The following CRELD2 variants were observed in gnomAD, a reference collection of about 807,000 sequenced individuals.
The protein encoded by CRELD2 is protein disulfide isomerase CRELD2.
A neutral mutation model predicts 48.1 loss-of-function variants in CRELD2; 33 were observed. The ratio of observed to expected loss-of-function variants is 0.69; its 90% CI spans 0.52 to 0.92. CRELD2 has a LOEUF of 0.92. Among genes scored for constraint, CRELD2 ranks in the 40% least tolerant of loss-of-function variants. The pLI is 0.00. For missense variants in CRELD2, 477 were observed against 482.4 expected (o/e 0.99, Z 0.10); for synonymous variants, 220 against 203.9 (o/e 1.08, Z -0.67).
intron 7 of CRELD2, 49 bp downstream of exon 7, chr22:49,923,366 G>T: frequency 7.3e-7 from 1 of 1,363,282 alleles, no homozygotes; most frequent in Admixed American, 1.8e-5. Context: ...GGGTTTCGTT[G>T]CTGCCTTTGT....
chr22:49,919,285 A>T lies in CRELD2; in HGVS notation c.185A>T (p.Glu62Val). Residue 62 changes from glutamate (E) to valine (V), a missense_variant, in exon 2 of 10, where the codon GAA (glutamate) becomes GTA (valine). Coordinates refer to ENST00000328268, the MANE Select transcript of CRELD2 (RefSeq NM_024324.5). The stretch of plus-strand genomic sequence containing the variant: ...GGCGGCGGGAACACGGCTTGGGAGG[A>T]AAAGACGCTGTCCAAGTACGAGTCC... ...NFGGGNTAWE[E>V]KTLSKYESSE... The T allele has an allele frequency of 6.2e-7, 1 of 1,613,494 alleles. No individual in the cohort carries two copies. Among genetic ancestry groups the T allele is most frequent in the Non-Finnish European group, 8.5e-7 (1 of 1,179,906 alleles).
At chr22:49,924,707 C>T in intron 8 of CRELD2, 1 of 309,510 alleles carries the variant, frequency 3.2e-6, no homozygotes, top group East Asian at 6.6e-5. Flanking sequence ...CCGGTGGCCT[C>T]GTTCCCCAGG....
chr22:49,919,089 T>G, intron 1 of CRELD2, 141 bp from the exon 2 acceptor site: 1 of 955,122 alleles, frequency 1.0e-6, no homozygotes, highest in Admixed American at 2.0e-5. Context: ...CCCCTCACCC[T>G]TGACCCGGAT....
intron 5 of CRELD2, chr22:49,922,213 G>A (rs1463325310): frequency 9.7e-6 from 14 of 1,440,748 alleles, no homozygotes; most frequent in Non-Finnish European, 1.3e-5. Flanking sequence ...GTGGTTGGCC[G>A]GCAGCCCCTA....
intron 6 of CRELD2, among the ~76,000 whole-genome samples, 163 bp downstream of exon 6, chr22:49,922,870 G>GAAGT (rs1416363919): frequency 9.7e-6 from 1 of 103,588 alleles, no homozygotes; most frequent in South Asian, 3.4e-4. Flanking sequence ...CTTGGGGTGT[G>GAAGT]GGGGGCGTGA....
At position 49,919,857 on chromosome 22, in the gene CRELD2, C is replaced by G; in HGVS notation, c.323+17C>G. The stretch of plus-strand genomic sequence containing the variant: ...GCTGCAGCTGTGAGTGCCTTAAAAC[C>G]TCTTAGAAGATACTTTTTATTTTCC... On this transcript the variant is annotated intron_variant, in intron 3 of 9. Coordinates refer to ENST00000328268, the MANE Select transcript of CRELD2 (RefSeq NM_024324.5). The G allele has an allele frequency of 6.6e-7, 1 of 1,509,424 alleles. No homozygotes were observed. The allele number at this position is 1,509,424 out of a possible 1,614,324, so 93.5% of individuals were successfully genotyped here.
At chr22:49,925,370 C>A in intron 8 of CRELD2, 47 bp from the exon 9 acceptor site, 2 of 1,223,670 alleles carry the variant, frequency 1.6e-6, no homozygotes, top group Non-Finnish European at 2.4e-6. Context: ...ATCCGCTGCG[C>A]GTCTGCTGAG....
intron 5 of CRELD2, chr22:49,922,284 CG>C (rs759961951): frequency 0.09 from 139,300 of 1,543,956 alleles, 8,837 homozygotes; most frequent in South Asian, 0.12. Flanking sequence ...CCGATTCTTA[CG>C]CCCCTCAGCA....
chr22:49,924,347 C>T lies in CRELD2; in HGVS notation c.773-13C>T. The stretch of plus-strand genomic sequence containing the variant: ...TGTGCATGTCGGGGTCTGACGCTGG[C>T]TCCCTGTTGCAGAGTGTGACTCCAG... On this transcript the variant is annotated splice_polypyrimidine_tract_variant and intron_variant, in intron 7 of 9. Coordinates refer to ENST00000328268, the MANE Select transcript of CRELD2 (RefSeq NM_024324.5). 3 of 1,600,488 alleles carry T rather than the reference C, an allele frequency of 1.9e-6. No homozygotes were observed. Among genetic ancestry groups the T allele is most frequent in the Non-Finnish European group, 2.6e-6 (3 of 1,170,934 alleles).
chr22:49,923,381 A>G (rs1188963740), intron 7 of CRELD2, 64 bp downstream of exon 7: 2 of 1,253,622 alleles, frequency 1.6e-6, no homozygotes, highest in Non-Finnish European at 1.2e-6. Flanking sequence ...CTTTGTCAAC[A>G]TTCATTTATG....
intron 7 of CRELD2, 99 bp downstream of exon 7, chr22:49,923,416 TCCTGCCTGC>T (rs946303645): frequency 2.3e-6 from 2 of 887,652 alleles, no homozygotes; most frequent in African/African-American, 3.3e-5. Context: ...CTTCCATACA[TCCTGCCTGC>T]CCTGAGAACA....
intron 4 of CRELD2, 89 bp downstream of exon 4, chr22:49,920,336 C>T: frequency 1.1e-6 from 1 of 911,258 alleles, no homozygotes; most frequent in East Asian, 2.5e-5. Context: ...CAGAGGGGAC[C>T]TGGGGTGCAT....
At chr22:49,923,920 C>T (rs568994901) in intron 7 of CRELD2, 11 of 233,172 alleles carry the variant, frequency 4.7e-5, no homozygotes, top group South Asian at 1.6e-4. Flanking sequence ...GGGAGGAGGC[C>T]GCCTCTGCCC....
chr22:49,923,587 A>G (rs766372108), intron 7 of CRELD2: 21 of 570,144 alleles, frequency 3.7e-5, no homozygotes, highest in South Asian at 2.3e-4. Flanking sequence ...GCGCCCCCGC[A>G]ACGTGCCCTG....
intron 4 of CRELD2, among the ~76,000 whole-genome samples, chr22:49,920,900 C>A (rs2060678904): frequency 6.6e-6 from 1 of 152,264 alleles, no homozygotes; most frequent in Non-Finnish European, 1.5e-5. Flanking sequence ...TGTTCCCACT[C>A]TCCCTGCAGT....
At chr22:49,921,450 C>A (rs1193642610) in intron 4 of CRELD2, 135 bp from the exon 5 acceptor site, 5 of 931,222 alleles carry the variant, frequency 5.4e-6, no homozygotes, top group South Asian at 1.8e-5. Flanking sequence ...TCCCCAAACA[C>A]CCACTCCAAG....
chr22:49,924,276 G>A (rs1432771690), intron 7 of CRELD2, 84 bp from the exon 8 acceptor site: 6 of 915,056 alleles, frequency 6.6e-6, no homozygotes, highest in Non-Finnish European at 1.0e-5. Flanking sequence ...AATCCTGGCG[G>A]CACCGGTGCC....
intron 8 of CRELD2, chr22:49,925,186 C>G: frequency 2.5e-6 from 1 of 396,982 alleles, no homozygotes; most frequent in Non-Finnish European, 4.5e-6. Flanking sequence ...GCTGGCCTTC[C>G]GGCCCCACCT....
chr22:49,924,898 G>A (rs1193421816), intron 8 of CRELD2: 1 of 162,140 alleles, frequency 6.2e-6, no homozygotes, highest in African/African-American at 2.4e-5. Context: ...TTGGGAGGCT[G>A]AGGCGGGGGG....
Sources: allele counts gnomAD v4.1 joint callset (sites outside exome capture counted in the v4.1 genomes callset), GRCh38; gene constraint gnomAD v4.1.1; transcripts MANE v1.5; gene names NCBI Gene and HGNC (gene_info 2026-07-23, HGNC 2026-07-21).